Variants in PRKG1 observed in about 807,000 individuals in gnomAD.
PRKG1 encodes the protein cGMP-dependent protein kinase 1.
A neutral mutation model predicts 88.1 loss-of-function variants in PRKG1; 35 were observed. The observed-to-expected ratio is 0.40, with a 90% CI of 0.30 to 0.53. PRKG1 has a LOEUF of 0.53. Among genes scored for constraint, PRKG1 ranks in the 20% least tolerant of loss-of-function variants. PRKG1 has a pLI of 0.59. For missense variants in PRKG1, 540 were observed against 839.8 expected (o/e 0.64, Z 4.41); for synonymous variants, 303 against 292.5 (o/e 1.04, Z -0.37).
At chr10:51,490,842 A>G (rs1840690578) in intron 3 of PRKG1, among the ~76,000 whole-genome samples, 1 of 152,126 alleles carries the variant, frequency 6.6e-6, no homozygotes, top group Admixed American at 6.6e-5. Flanking sequence ...ATATTGTTTG[A>G]TTTAGAAACC....
At chr10:51,123,733 A>G (rs1361635083) in intron 1 of PRKG1, among the ~76,000 whole-genome samples, 1 of 151,830 alleles carries the variant, frequency 6.6e-6, no homozygotes, top group Non-Finnish European at 1.5e-5. Flanking sequence ...GAGACTGGGT[A>G]ATTTATAGAG....
intron 5 of PRKG1, among the ~76,000 whole-genome samples, chr10:52,026,694 C>A (rs558588897): frequency 6.6e-6 from 1 of 152,062 alleles, no homozygotes; most frequent in East Asian, 1.9e-4. Flanking sequence ...GGGTGAATTT[C>A]GGCCAGGCAC....
intron 1 of PRKG1, among the ~76,000 whole-genome samples, chr10:50,996,522 T>A (rs1479075733): frequency 6.6e-6 from 1 of 152,242 alleles, no homozygotes; most frequent in Non-Finnish European, 1.5e-5. Flanking sequence ...ATCTAGCACA[T>A]GTCCATTGGA....
chr10:52,200,137 G>C lies in PRKG1; in HGVS notation c.1076+38174G>C, dbSNP rs140264839. On this transcript the variant is annotated intron_variant, in intron 9 of 17. Coordinates refer to ENST00000373980, the MANE Select transcript of PRKG1 (RefSeq NM_006258.4). Reference sequence around the variant, plus strand: ...GTAAATTGGATTGTGGGCGTTTGATGTACAAATTATTTCATCACCCAAGTA... The same window carrying C: ...GTAAATTGGATTGTGGGCGTTTGATCTACAAATTATTTCATCACCCAAGTA... Among the ~76,000 whole-genome samples the C allele has an allele frequency of 6.7e-3, 1,017 of 152,184 alleles. 7 individuals carry two copies. The highest frequency in any genetic ancestry group is 0.023 in the African/African-American group (943 of 41,546).
rs534914470 is a variant in PRKG1, at chr10:52,009,710, A to G, written c.763-44774A>G. Among the ~76,000 whole-genome samples the G allele has an allele frequency of 7.9e-5, 12 of 152,276 alleles. No homozygotes were observed. In the South Asian group the frequency reaches 2.5e-3, roughly 32 times the overall value. On this transcript the variant is annotated intron_variant, in intron 5 of 17. Transcript: ENST00000373980. ...ATGGAACCAAAAAAAGAGGCCACAT[A>G]GGCAAGGCAATCATAAGGAAAAAGA...
chr10:51,380,212 C>T (rs1199793901), intron 2 of PRKG1, among the ~76,000 whole-genome samples: 1 of 152,126 alleles, frequency 6.6e-6, no homozygotes, highest in Non-Finnish European at 1.5e-5. Context: ...GTCTAATCTC[C>T]CACCAGTGGT....
chr10:51,015,401 G>A (rs973468154), intron 1 of PRKG1, among the ~76,000 whole-genome samples: 7 of 152,096 alleles, frequency 4.6e-5, no homozygotes, highest in Non-Finnish European at 1.0e-4. Context: ...TCCAATTATA[G>A]GTTTTGAAAA....
At chr10:51,697,657 G>T in intron 3 of PRKG1, 1 of 1,598,684 alleles carries the variant, frequency 6.3e-7, no homozygotes, top group South Asian at 1.1e-5. Flanking sequence ...CCATGCTACA[G>T]AATAAAATTT....
chr10:51,165,625 A>C (rs1003780470), intron 2 of PRKG1, among the ~76,000 whole-genome samples: 23 of 152,130 alleles, frequency 1.5e-4, no homozygotes, highest in Non-Finnish European at 2.9e-4. Context: ...GTCAAGACCC[A>C]TCAGTGTGCT....
chr10:52,270,911 T>A (rs1018028671), intron 10 of PRKG1, among the ~76,000 whole-genome samples: 1 of 151,856 alleles, frequency 6.6e-6, no homozygotes, highest in Non-Finnish European at 1.5e-5. Flanking sequence ...AAATTAGAAA[T>A]GTTTGTGGAT....
chr10:51,548,405 A>G (rs567656316), intron 3 of PRKG1, among the ~76,000 whole-genome samples: 2 of 152,264 alleles, frequency 1.3e-5, no homozygotes, highest in South Asian at 4.1e-4. Context: ...GTAGATTGGT[A>G]CCAAACTTGG....
chr10:51,833,142 G>A (rs117911180), intron 4 of PRKG1, among the ~76,000 whole-genome samples: 1 of 152,264 alleles, frequency 6.6e-6, no homozygotes, highest in Non-Finnish European at 1.5e-5. Flanking sequence ...TGCCCACACA[G>A]GAGGGACCTG....
intron 4 of PRKG1, among the ~76,000 whole-genome samples, chr10:51,856,482 A>G (rs1196704862): frequency 6.6e-6 from 1 of 152,166 alleles, no homozygotes; most frequent in African/African-American, 2.4e-5. Flanking sequence ...CAGGAGTTCA[A>G]ATTCTTACTC....
chr10:51,566,861 C>T (rs1273814765), intron 3 of PRKG1, among the ~76,000 whole-genome samples: 3 of 151,272 alleles, frequency 2.0e-5, no homozygotes, highest in Non-Finnish European at 4.4e-5. Flanking sequence ...AAGGACACCC[C>T]ATTGGGAAGA....
At chr10:51,534,529 G>A (rs1432908273) in intron 3 of PRKG1, among the ~76,000 whole-genome samples, 4 of 132,986 alleles carry the variant, frequency 3.0e-5, no homozygotes, top group African/African-American at 8.3e-5. Flanking sequence ...TTAGCCGGGC[G>A]AGGTGGCGGG....
At chr10:51,247,812 TTCC>T (rs1460384152) in intron 2 of PRKG1, among the ~76,000 whole-genome samples, 3 of 151,920 alleles carry the variant, frequency 2.0e-5, no homozygotes, top group Non-Finnish European at 4.4e-5. Flanking sequence ...TTCTCTTGTC[TTCC>T]TCTCCCATTC....
chr10:51,734,195 T>A (rs1837201553), intron 3 of PRKG1, among the ~76,000 whole-genome samples: 1 of 152,208 alleles, frequency 6.6e-6, no homozygotes, highest in African/African-American at 2.4e-5. Flanking sequence ...CAATTTCATG[T>A]CCTGCCCTTA....
At chr10:51,592,783 G>A (rs568270462) in intron 3 of PRKG1, among the ~76,000 whole-genome samples, 80 of 152,196 alleles carry the variant, frequency 5.3e-4, no homozygotes, top group African/African-American at 1.8e-3. Flanking sequence ...TTTGACTGGG[G>A]TCCAACTCAA....
At chr10:51,749,353 C>A (rs1589255547) in intron 3 of PRKG1, among the ~76,000 whole-genome samples, 1 of 152,152 alleles carries the variant, frequency 6.6e-6, no homozygotes, top group African/African-American at 2.4e-5. Flanking sequence ...GACCAGGCTG[C>A]CACGAGCATG....
Sources: gnomAD v4.1 joint callset for allele counts (sites outside exome capture counted in the v4.1 genomes callset) on GRCh38, gnomAD v4.1.1 for gene constraint, MANE v1.5 for transcripts, NCBI Gene and HGNC (gene_info 2026-07-23, HGNC 2026-07-21) for gene names.